DST: variants seen among roughly 807,000 people sequenced by gnomAD.
DST encodes the protein dystonin.
DST carries 253 observed loss-of-function variants against 875.2 expected under a neutral mutation model. The observed-to-expected ratio is 0.29, with a 90% confidence interval of 0.26 to 0.32. DST has a LOEUF of 0.32. DST is among the 10% of genes least tolerant of loss of function. The probability of loss-of-function intolerance (pLI) is 1.00; values close to 1 mark genes in which losing one functional copy is unlikely to be tolerated. For missense variants in DST, 8,287 were observed against 9,111.6 expected, an observed-to-expected ratio of 0.91 and a Z score of 3.68; for synonymous variants, 3,124 against 3,197.1, an observed-to-expected ratio of 0.98 and a Z score of 0.77.
In DST at chr6:56,607,493, C is replaced by T. The variant is rs761064866; in HGVS notation, c.7135G>A (p.Glu2379Lys). The change falls in exon 40 of 104, where the codon GAA (glutamate) becomes AAA (lysine). Residue 2379 changes from glutamate (E) to lysine (K), a missense_variant. Glu to Lys is a moderately conservative substitution (Grantham distance 56). This residue lies in a region of DST where 3,138 missense variants were observed against 3,116.6 expected (regional missense o/e 1.01). Transcript: ENST00000680361. Reference sequence around the variant, plus strand: ...GAATGACTACATTCATTTGCACGTTCATTTGTTTCCACTCGGCTTTGATTT... The same window carrying T: ...GAATGACTACATTCATTTGCACGTTTATTTGTTTCCACTCGGCTTTGATTT... Reference protein sequence around the residue: ...YENQSRVETNERANECSHSKN... With the variant: ...YENQSRVETNKRANECSHSKN... 1.3e-6 allele frequency: 2 copies of T among 1,597,442 alleles called. No individual in the cohort carries two copies. Among genetic ancestry groups the T allele is most frequent in the East Asian group, 4.5e-5 (2 of 44,364 alleles).
At chr6:56,495,472 T>C (rs1446106293) in intron 82 of DST, among the ~76,000 whole-genome samples, 1 of 152,020 alleles carries the variant, frequency 6.6e-6, no homozygotes, top group African/African-American at 2.4e-5. Context: ...CAAGTTCTTA[T>C]ATTCTTCTAA....
chr6:56,620,899 C>T (rs1270257173), intron 36 of DST, among the ~76,000 whole-genome samples: 2 of 152,068 alleles, frequency 1.3e-5, no homozygotes, highest in Non-Finnish European at 2.9e-5. Flanking sequence ...CAGAAGAGGA[C>T]AAAAAACCCT....
chr6:56,476,276 G>C lies in DST; in HGVS notation c.21737C>G (p.Ala7246Gly). ...RLASALAGLIAKQELLEALLA... is the reference protein window; with the variant it reads ...RLASALAGLIGKQELLEALLA... The stretch of plus-strand genomic sequence containing the variant: ...CAAAGCTTCCAACAATTCCTGTTTG[G>C]CAATAAGCCCAGCCAGAGCACTTGC... Residue 7246 changes from alanine to glycine, a missense_variant, in exon 92 of 104, where the codon GCC (alanine) becomes GGC (glycine). This residue lies in a region of DST where 1,292 missense variants were observed against 1,552.7 expected (regional missense o/e 0.83). Coordinates refer to ENST00000680361, the MANE Select transcript of DST (RefSeq NM_001374736.1). The C allele has an allele frequency of 6.2e-7, 1 of 1,608,874 alleles. No individual in the cohort carries two copies. Among genetic ancestry groups the C allele is most frequent in the Non-Finnish European group, 8.5e-7 (1 of 1,177,308 alleles).
chr6:56,860,053 T>G (rs59289377), intron 3 of DST, among the ~76,000 whole-genome samples: 4,824 of 152,228 alleles, frequency 0.032, 260 homozygotes, highest in African/African-American at 0.11. Flanking sequence ...TAAAAACAAA[T>G]TAACAGCAAA....
intron 49 of DST, among the ~76,000 whole-genome samples, chr6:56,584,588 C>T (rs1374134145): frequency 6.8e-4 from 103 of 151,320 alleles, no homozygotes; most frequent in African/African-American, 2.4e-3. Context: ...CCTTTATTTC[C>T]TTCTCCTGCC....
Position 56,557,525 on chromosome 6 carries a change from GA to G in DST, c.14441-8del, listed in dbSNP as rs771515425. 38 of 1,500,248 alleles carry G rather than the reference GA, an allele frequency of 2.5e-5. No homozygotes were observed. The highest frequency in any genetic ancestry group is 1.3e-4 in the Admixed American group (7 of 53,946). The allele number at this position is 1,500,248 out of a possible 1,614,324, so 92.9% of individuals were successfully genotyped here. A position where few individuals can be genotyped will look rare whatever the true frequency, so the allele number is the denominator to read the frequency against. On this transcript the variant is annotated splice_polypyrimidine_tract_variant and splice_region_variant and intron_variant, in intron 58 of 103. Coordinates refer to ENST00000680361, the MANE Select transcript of DST (RefSeq NM_001374736.1). ...AGTTCTTGCCACTTAGAATCTAAAAGAAAAAAAATGAAACTGGTGTTTGACA... is the reference window on the plus strand; with the variant it reads ...AGTTCTTGCCACTTAGAATCTAAAAGAAAAAAATGAAACTGGTGTTTGACA...
intron 3 of DST, among the ~76,000 whole-genome samples, chr6:56,875,388 T>C (rs562885386): frequency 1.2e-4 from 18 of 152,374 alleles, no homozygotes; most frequent in African/African-American, 3.8e-4. Context: ...TTCCATTAAA[T>C]GCTTGAAAGG....
intron 2 of DST, among the ~76,000 whole-genome samples, chr6:56,949,488 T>C (rs1821288095): frequency 6.6e-6 from 1 of 152,298 alleles, no homozygotes; most frequent in Admixed American, 6.5e-5. Context: ...AACCAGTAAC[T>C]ATAAAATTTC....
chr6:56,492,179 G>A, intron 85 of DST, 48 bp downstream of exon 85: 1 of 1,476,324 alleles, frequency 6.8e-7, no homozygotes, highest in South Asian at 1.1e-5. Flanking sequence ...TCAACAGCAA[G>A]AAGTGGTTTA....
At chr6:56,851,001 G>T (rs1468924405) in intron 4 of DST, 2 of 211,316 alleles carry the variant, frequency 9.5e-6, no homozygotes, top group Non-Finnish European at 1.9e-5. Flanking sequence ...GCGTAGCTCA[G>T]TGCCCCTGGG....
intron 3 of DST, among the ~76,000 whole-genome samples, chr6:56,864,386 CCTAA>C (rs1390671958): frequency 1.3e-5 from 2 of 151,968 alleles, no homozygotes; most frequent in East Asian, 1.9e-4. Context: ...TCTGGAGAAC[CCTAA>C]CTAACACAAT....
chr6:56,760,385 G>A (rs1367702587), intron 4 of DST, among the ~76,000 whole-genome samples: 1 of 151,868 alleles, frequency 6.6e-6, no homozygotes, highest in Non-Finnish European at 1.5e-5. Flanking sequence ...TTTATTTTTT[G>A]TATGTCTCTC....
At chr6:56,758,689 T>A (rs1178056947) in intron 4 of DST, among the ~76,000 whole-genome samples, 3 of 152,174 alleles carry the variant, frequency 2.0e-5, no homozygotes, top group Non-Finnish European at 4.4e-5. Flanking sequence ...TGGAACCTCA[T>A]TTGAAGCAGT....
chr6:56,674,786 T>C (rs1374600354), intron 9 of DST, among the ~76,000 whole-genome samples: 3 of 152,246 alleles, frequency 2.0e-5, no homozygotes, highest in Non-Finnish European at 4.4e-5. Flanking sequence ...AGATATCCCA[T>C]GTTCATTCAT....
At chr6:56,866,267 G>A (rs992244333) in intron 3 of DST, among the ~76,000 whole-genome samples, 2 of 152,148 alleles carry the variant, frequency 1.3e-5, no homozygotes, top group Non-Finnish European at 2.9e-5. Flanking sequence ...CAAAGTGCTG[G>A]GATTACAGGC....
intron 9 of DST, among the ~76,000 whole-genome samples, chr6:56,690,919 T>G (rs1444283360): frequency 6.6e-6 from 1 of 152,190 alleles, no homozygotes; most frequent in African/African-American, 2.4e-5. Flanking sequence ...TAAATAGTCT[T>G]TATCTGAACT....
intron 67 of DST, 50 bp downstream of exon 67, chr6:56,528,791 A>G (rs2096846201): frequency 7.8e-7 from 1 of 1,279,384 alleles, no homozygotes; most frequent in Non-Finnish European, 1.1e-6. Flanking sequence ...TATTTTGAAA[A>G]CAATATAAAA....
chr6:56,575,763 A>G (rs1406230714), intron 50 of DST, among the ~76,000 whole-genome samples: 2 of 152,040 alleles, frequency 1.3e-5, no homozygotes, highest in Non-Finnish European at 2.9e-5. Context: ...ACACTAAGAG[A>G]ATCTTTTGTT....
Position 56,632,957 on chromosome 6 carries a change from G to A in DST, c.3702C>T (p.Ser1234=). 4.3e-6 allele frequency: 7 copies of A among 1,613,800 alleles called. No homozygotes were observed. Among genetic ancestry groups the A allele is most frequent in the Non-Finnish European group, 5.9e-6 (7 of 1,179,828 alleles). Residue 1234 remains serine (S), a synonymous_variant, in exon 28 of 104, where the codon AGC becomes AGT. Coordinates refer to ENST00000680361, the MANE Select transcript of DST (RefSeq NM_001374736.1). Reference sequence around the variant, plus strand: ...AGCCTGAAAAGACTTGGGATTCCTGGCTATCTTCCAGAAAATCTTCAAAAC... The same window carrying A: ...AGCCTGAAAAGACTTGGGATTCCTGACTATCTTCCAGAAAATCTTCAAAAC... The part of the protein sequence containing the change: ...QSRFEDFLED[S]QESQVFSGSD...
Sources: allele counts gnomAD v4.1 joint callset (sites outside exome capture counted in the v4.1 genomes callset), GRCh38; gene constraint gnomAD v4.1.1; regional missense constraint gnomAD v4.1.1; transcripts MANE v1.5; gene names NCBI Gene and HGNC (gene_info 2026-07-23, HGNC 2026-07-21).